SLC18B1: variants seen among roughly 807,000 people sequenced by gnomAD.
SLC18B1 encodes the protein solute carrier family 18 member B1.
A neutral mutation model predicts 53.9 loss-of-function variants in SLC18B1; 62 were observed. The observed-to-expected ratio is 1.15, with a 90% confidence interval of 0.94 to 1.42. The LOEUF (loss-of-function observed/expected upper bound fraction) is 1.42. Ranked by LOEUF, SLC18B1 falls within the 40% of genes most tolerant of loss-of-function variation. SLC18B1 has a pLI of 0.00. For synonymous variants in SLC18B1, 217 were observed against 200.9 expected, an observed-to-expected ratio of 1.08 and a Z score of -0.68; for missense variants, 598 against 547.3, an observed-to-expected ratio of 1.09 and a Z score of -0.93.
At chr6:132,786,523 T>C (rs962882948) in intron 5 of SLC18B1, among the ~76,000 whole-genome samples, 2 of 127,988 alleles carry the variant, frequency 1.6e-5, no homozygotes, top group African/African-American at 6.2e-5. Flanking sequence ...CACTCCAGCC[T>C]GGGCTACGGA....
rs529777521 is a variant in SLC18B1, at chr6:132,769,581, G to A, written c.*689C>T. On this transcript the variant is annotated 3_prime_UTR_variant, in exon 14 of 14. Coordinates refer to ENST00000275227, the MANE Select transcript of SLC18B1 (RefSeq NM_052831.3). ...AGAGACATTAAAGGAAATGAAAAAC[G>A]TTATACCAAGTAATGTTTATAAATC... 7.2e-5 allele frequency: 11 copies of A among 152,146 alleles called. No homozygotes were observed. The highest frequency in any genetic ancestry group is 1.3e-4 in the Non-Finnish European group (9 of 68,030). The allele number at this position is 152,146 out of a possible 1,614,324, so 9.4% of individuals were successfully genotyped here.
intron 2 of SLC18B1, among the ~76,000 whole-genome samples, chr6:132,790,761 G>A (rs1310791954): frequency 6.6e-6 from 1 of 152,188 alleles, no homozygotes; most frequent in Non-Finnish European, 1.5e-5. Context: ...CTAGGTCTCT[G>A]TTTCTGACAG....
chr6:132,790,016 A>C (rs1781482520), intron 3 of SLC18B1, among the ~76,000 whole-genome samples, 161 bp downstream of exon 3: 2 of 152,256 alleles, frequency 1.3e-5, no homozygotes, highest in African/African-American at 4.8e-5. Context: ...AAAGAGTTAA[A>C]AATCAATCAA....
At chr6:132,798,294 C>T in intron 1 of SLC18B1, 120 bp downstream of exon 1, 9 of 1,142,334 alleles carry the variant, frequency 7.9e-6, no homozygotes, top group Non-Finnish European at 1.0e-5. Flanking sequence ...ACGATCAGGC[C>T]CCAGCCTTTT....
chr6:132,782,751 C>T (rs775474787), intron 6 of SLC18B1, among the ~76,000 whole-genome samples: 5 of 151,746 alleles, frequency 3.3e-5, no homozygotes, highest in Non-Finnish European at 7.4e-5. Context: ...TAGCATCTAG[C>T]TATAAACTCT....
chr6:132,783,789 A>T lies in SLC18B1; in HGVS notation c.658+144T>A, dbSNP rs1011362685. 2.4e-5 allele frequency: 14 copies of T among 590,656 alleles called. No individual in the cohort carries two copies. In the Admixed American group the frequency reaches 4.1e-4, roughly 17 times the overall value. 36.6% of individuals were successfully genotyped at this position (590,656 alleles called of 1,614,324 possible). A position where few individuals can be genotyped will look rare whatever the true frequency, so the allele number is the denominator to read the frequency against. ...AATTTACAGAAATTCATATAAACTAATTGCCTACATTACTGAAAAAAGAAT... is the reference window on the plus strand; with the variant it reads ...AATTTACAGAAATTCATATAAACTATTTGCCTACATTACTGAAAAAAGAAT... On this transcript the variant is annotated intron_variant, in intron 6 of 13. Coordinates refer to ENST00000275227, the MANE Select transcript of SLC18B1 (RefSeq NM_052831.3).
chr6:132,770,439 A>T (rs188308356), intron 13 of SLC18B1, 103 bp from the exon 14 acceptor site: 19 of 1,076,828 alleles, frequency 1.8e-5, no homozygotes, highest in African/African-American at 8.0e-5. Flanking sequence ...CTATCTTTTT[A>T]AAAAAGTTTC....
intron 6 of SLC18B1, among the ~76,000 whole-genome samples, chr6:132,782,016 T>TAA (rs1419589112): frequency 2.6e-5 from 4 of 151,598 alleles, no homozygotes; most frequent in African/African-American, 9.7e-5. Flanking sequence ...GGTGAAACTC[T>TAA]GTCTCTACTA....
chr6:132,789,761 T>G lies in SLC18B1; in HGVS notation c.353+3A>C. 1 of 1,608,756 alleles carries G rather than the reference T, an allele frequency of 6.2e-7. No individual in the cohort carries two copies. The highest frequency in any genetic ancestry group is 8.5e-7 in the Non-Finnish European group (1 of 1,175,434). On this transcript the variant is annotated splice_donor_region_variant and intron_variant, in intron 4 of 13. Transcript: ENST00000275227. ...TCCCAAATATAATCAGAAAATGACTTACCCAAAGAGAATTGTAACTCCTCC... is the reference window on the plus strand; with the variant it reads ...TCCCAAATATAATCAGAAAATGACTGACCCAAAGAGAATTGTAACTCCTCC...
chr6:132,771,558 A>T (rs1226043813), intron 11 of SLC18B1, among the ~76,000 whole-genome samples: 1 of 152,236 alleles, frequency 6.6e-6, no homozygotes, highest in Admixed American at 6.5e-5. Flanking sequence ...ACATGTTTCT[A>T]TTAAAGGAAC....
intron 13 of SLC18B1, 122 bp downstream of exon 13, chr6:132,770,768 T>A (rs1227504134): frequency 1.3e-5 from 12 of 930,932 alleles, no homozygotes; most frequent in Non-Finnish European, 9.9e-6. Context: ...ATCTACCAAC[T>A]GATGAGCCTC....
At position 132,771,041 on chromosome 6, in the gene SLC18B1, T is replaced by A. The variant is rs750672943; in HGVS notation, c.1249A>T (p.Ile417Leu). The A allele has an allele frequency of 3.1e-6, 5 of 1,613,876 alleles. No individual in the cohort carries two copies. The South Asian group carries it at 5.5e-5, about 18-fold the overall frequency. The change falls in exon 12 of 14, where the codon ATA becomes TTA. Residue 417 changes from isoleucine to leucine, a missense_variant. Transcript: ENST00000275227. ...ATAAAAGACTGATTACTCACACTTA[T>A]CAGAGCCCATAGACCTTGTATAGCT... ...AAAIQGLWAL[I>L]SGLAMGLFYL...
At chr6:132,786,653 TA>T (rs1266894092) in intron 5 of SLC18B1, among the ~76,000 whole-genome samples, 1 of 150,104 alleles carries the variant, frequency 6.7e-6, no homozygotes, top group African/African-American at 2.5e-5. Flanking sequence ...GTTACATGAG[TA>T]AATGAGGGAG....
chr6:132,783,902 T>C, intron 6 of SLC18B1, 31 bp downstream of exon 6: 1 of 1,455,738 alleles, frequency 6.9e-7, no homozygotes, highest in Non-Finnish European at 9.1e-7. Context: ...ATATTTAAGG[T>C]TCTTAAAATG....
At position 132,779,325 on chromosome 6, in the gene SLC18B1, T is replaced by C; in HGVS notation, c.738A>G (p.Ser246=). 1.9e-6 allele frequency: 3 copies of C among 1,613,566 alleles called. No individual in the cohort carries two copies. Among genetic ancestry groups the C allele is most frequent in the Middle Eastern group, 1.7e-4 (1 of 6,060 alleles). ...KVGLIAFVIN[S]LSSCFGFLDP... The stretch of plus-strand genomic sequence containing the variant: ...CGAGGAAGCCAAAACACGAGCTGAG[T>C]GAGTTGATGACGAAGGCTATAAGGC... The change falls in exon 7 of 14, where the codon TCA becomes TCG. Residue 246 remains serine (S), a synonymous_variant. Transcript: ENST00000275227.
At chr6:132,794,554 C>T (rs1309510838) in intron 2 of SLC18B1, among the ~76,000 whole-genome samples, 1 of 152,148 alleles carries the variant, frequency 6.6e-6, no homozygotes, top group Non-Finnish European at 1.5e-5. Context: ...TCCACTGTCT[C>T]CTATTAGACC....
intron 2 of SLC18B1, among the ~76,000 whole-genome samples, chr6:132,792,288 AAAGGAAGGAAGGAAGGAAGG>A (rs1167820594): frequency 3.3e-4 from 13 of 39,934 alleles, no homozygotes; most frequent in Non-Finnish European, 4.3e-4. Flanking sequence ...AGAAAGGAAG[AAAGGAAGGAAGGAAGGAAGG>A]AAGGAAGGAA....
At chr6:132,798,329 C>CTATA (rs1454197289) in intron 1 of SLC18B1, 85 bp downstream of exon 1, 1 of 1,376,362 alleles carries the variant, frequency 7.3e-7, no homozygotes, top group Non-Finnish European at 9.7e-7. Context: ...ACAGATCAAG[C>CTATA]TATAAGCAAT....
At chr6:132,781,803 A>G (rs759669720) in intron 6 of SLC18B1, among the ~76,000 whole-genome samples, 17 of 151,950 alleles carry the variant, frequency 1.1e-4, no homozygotes, top group Non-Finnish European at 2.4e-4. Context: ...AAAACCTCCC[A>G]GAAAAGGTAA....
Sources: gnomAD v4.1 joint callset for allele counts (sites outside exome capture counted in the v4.1 genomes callset) on GRCh38, gnomAD v4.1.1 for gene constraint, MANE v1.5 for transcripts, NCBI Gene and HGNC (gene_info 2026-07-23, HGNC 2026-07-21) for gene names.